The following ATP2C1 variants were observed in gnomAD, a reference collection of about 807,000 sequenced individuals.
The protein encoded by ATP2C1 is ATPase secretory pathway Ca2+ transporting 1.
Under a neutral mutation model 120.5 loss-of-function variants are expected in ATP2C1, and 31 were observed. That is an observed-to-expected ratio of 0.26 (90% confidence interval 0.19 to 0.35). The LOEUF (loss-of-function observed/expected upper bound fraction) is 0.35, where lower values mean the gene tolerates loss of function less well. Ranked by LOEUF, ATP2C1 falls within the 10% of genes least tolerant of loss-of-function variation. ATP2C1 has a pLI of 1.00. For synonymous variants in ATP2C1, 351 were observed against 358.7 expected (o/e 0.98, Z 0.24); for missense variants, 731 against 1,107.5 (o/e 0.66, Z 4.83).
At chr3:130,937,630 G>A (rs1372665599) in intron 6 of ATP2C1, among the ~76,000 whole-genome samples, 167 bp downstream of exon 6, 1 of 152,192 alleles carries the variant, frequency 6.6e-6, no homozygotes, top group Non-Finnish European at 1.5e-5. Flanking sequence ...AGGGAAGCTT[G>A]TGGTGTGGGA....
At chr3:131,014,995 T>G (rs1253415031) in intron 26 of ATP2C1, among the ~76,000 whole-genome samples, 4 of 152,222 alleles carry the variant, frequency 2.6e-5, no homozygotes, top group Admixed American at 6.5e-5. Context: ...TTGTTTTGCA[T>G]TTCCTGTTTT....
At chr3:131,014,726 G>C (rs914298299) in intron 26 of ATP2C1, among the ~76,000 whole-genome samples, 4 of 152,172 alleles carry the variant, frequency 2.6e-5, no homozygotes, top group Admixed American at 1.3e-4. Flanking sequence ...AAACCAAACA[G>C]GCAGTTTGTT....
chr3:130,984,410 A>G (rs1344816511), intron 20 of ATP2C1, among the ~76,000 whole-genome samples: 2 of 152,136 alleles, frequency 1.3e-5, no homozygotes, highest in East Asian at 3.8e-4. Context: ...ATATTGCTGA[A>G]TTGTCCTCTG....
intron 20 of ATP2C1, among the ~76,000 whole-genome samples, chr3:130,988,927 A>T (rs2108848144): frequency 6.6e-6 from 1 of 152,264 alleles, no homozygotes; most frequent in Middle Eastern, 3.4e-3. Context: ...TCTAAATGGC[A>T]TCTGGTAGTG....
At chr3:130,988,965 A>T (rs2062159562) in intron 20 of ATP2C1, among the ~76,000 whole-genome samples, 1 of 151,904 alleles carries the variant, frequency 6.6e-6, no homozygotes, top group Non-Finnish European at 1.5e-5. Flanking sequence ...CTTAATAAAA[A>T]CCCTAGGCCG....
Position 130,894,420 on chromosome 3 carries a change from T to G in ATP2C1, c.-181+83T>G. The G allele has an allele frequency of 2.6e-5, 32 of 1,235,806 alleles. No homozygotes were observed. The highest frequency in any genetic ancestry group is 2.2e-4 in the East Asian group (5 of 23,110). The allele number at this position is 1,235,806 out of a possible 1,614,324, so 76.6% of individuals were successfully genotyped here. On this transcript the variant is annotated intron_variant, in intron 1 of 27. Transcript: ENST00000510168. The surrounding 1 kb of genome is among the most constrained non-coding windows in gnomAD (Gnocchi z 4.5). ...AGGGGAGGTTCGGGTATCCCCTGGATGGGGGGGCATCTCTAGGGCGCCGCC... is the reference window on the plus strand; with the variant it reads ...AGGGGAGGTTCGGGTATCCCCTGGAGGGGGGGGCATCTCTAGGGCGCCGCC...
At chr3:130,945,559 C>T (rs904579641) in intron 8 of ATP2C1, among the ~76,000 whole-genome samples, 4 of 143,596 alleles carry the variant, frequency 2.8e-5, no homozygotes, top group African/African-American at 5.2e-5. Context: ...TGTTTCCAAC[C>T]CCGTGTCCAA....
intron 5 of ATP2C1, among the ~76,000 whole-genome samples, chr3:130,936,518 A>G (rs2059676650): frequency 6.6e-6 from 1 of 152,160 alleles, no homozygotes; most frequent in Non-Finnish European, 1.5e-5. Context: ...AGCTGTTAAA[A>G]TACTCCTCCC....
At chr3:130,888,640 A>G (rs1281435399) in intron 1 of ATP2C1, among the ~76,000 whole-genome samples, 2 of 152,186 alleles carry the variant, frequency 1.3e-5, no homozygotes, top group African/African-American at 4.8e-5. Context: ...AAAGACCACT[A>G]GCCACTGCAC....
At chr3:130,913,542 TTAA>T (rs2058543577) in intron 2 of ATP2C1, among the ~76,000 whole-genome samples, 1 of 152,222 alleles carries the variant, frequency 6.6e-6, no homozygotes, top group Non-Finnish European at 1.5e-5. Flanking sequence ...CTTACTGTAC[TTAA>T]GACATGCTGT....
intron 26 of ATP2C1, 94 bp from the exon 27 acceptor site, chr3:130,999,424 G>C: frequency 7.2e-6 from 9 of 1,252,670 alleles, no homozygotes. Context: ...CAGTGATAAA[G>C]TGACACTGCT....
intron 5 of ATP2C1, among the ~76,000 whole-genome samples, chr3:130,936,887 G>GT (rs569930868): frequency 1.5e-4 from 23 of 149,662 alleles, no homozygotes; most frequent in Non-Finnish European, 3.4e-4. Flanking sequence ...CTTTTCCACC[G>GT]TATCTGTATG....
intron 1 of ATP2C1, among the ~76,000 whole-genome samples, chr3:130,851,732 G>A (rs2067682951): frequency 6.6e-6 from 1 of 152,224 alleles, no homozygotes; most frequent in South Asian, 2.1e-4. Context: ...AGGAAGAAGT[G>A]TGGCGGTGGT....
Position 130,999,513 on chromosome 3 carries a change from A to G in ATP2C1, c.2488-5A>G. The G allele has an allele frequency of 6.2e-7, 1 of 1,613,482 alleles. No homozygotes were observed. ...TAATAAATGAACTCTCTGCTCTGCC[A>G]ACAGACCAAGTCTGTGTTTGAGATT... On this transcript the variant is annotated splice_polypyrimidine_tract_variant and splice_region_variant and intron_variant, in intron 26 of 27. Coordinates refer to ENST00000510168, the MANE Select transcript of ATP2C1 (RefSeq NM_001378687.1).
rs2060989080 is a variant in ATP2C1 at position 130,965,024 on chromosome 3, T to C, written c.1101T>C (p.Thr367=). 1 of 1,610,688 alleles carries C rather than the reference T, an allele frequency of 6.2e-7. No homozygotes were observed. The highest frequency in any genetic ancestry group is 8.5e-7 in the Non-Finnish European group (1 of 1,177,516). The change falls in exon 14 of 28, where the codon ACT becomes ACC. Residue 367 remains threonine (T), a synonymous_variant. Transcript: ENST00000510168. ...KNEMTVTHIF[T]SDGLHAEVTG... ...AAATGACTGTTACTCACATATTTACTTCAGATGGTCTGCATGCTGAGGTAC... is the reference window on the plus strand; with the variant it reads ...AAATGACTGTTACTCACATATTTACCTCAGATGGTCTGCATGCTGAGGTAC...
chr3:130,967,281 T>C, intron 15 of ATP2C1, 41 bp downstream of exon 15: 2 of 1,612,050 alleles, frequency 1.2e-6, no homozygotes, highest in Non-Finnish European at 1.7e-6. Context: ...TTCTTCATAA[T>C]AACTTAAGAC....
At chr3:130,869,443 A>T (rs112355817) in intron 1 of ATP2C1, 63 of 42,102 alleles carry the variant, frequency 1.5e-3, no homozygotes, top group Non-Finnish European at 2.1e-3. Context: ...AAAAAAAAAA[A>T]AAAAAAAAAA....
At chr3:130,871,749 C>T (rs936160564) in intron 1 of ATP2C1, among the ~76,000 whole-genome samples, 3 of 152,126 alleles carry the variant, frequency 2.0e-5, no homozygotes, top group Non-Finnish European at 2.9e-5. Context: ...AGGCCAGGGG[C>T]GGTGGCTCAC....
intron 2 of ATP2C1, among the ~76,000 whole-genome samples, chr3:130,905,274 T>C (rs754543349): frequency 6.6e-6 from 1 of 152,094 alleles, no homozygotes; most frequent in Non-Finnish European, 1.5e-5. Context: ...TATTTTCTTA[T>C]CTATCCATCT....
Sources: allele counts gnomAD v4.1 joint callset (sites outside exome capture counted in the v4.1 genomes callset), GRCh38; gene constraint gnomAD v4.1.1; non-coding constraint Gnocchi (gnomAD v3.1); transcripts MANE v1.5; gene names NCBI Gene and HGNC (gene_info 2026-07-23, HGNC 2026-07-21).